CBFA2T3: variants seen among roughly 807,000 people sequenced by gnomAD.
The protein encoded by CBFA2T3 is transcriptional corepressor CBFA2T3.
CBFA2T3 carries 31 observed loss-of-function variants against 58.6 expected under a neutral mutation model. The observed-to-expected ratio is 0.53, with a 90% CI of 0.40 to 0.71. The LOEUF (loss-of-function observed/expected upper bound fraction) is 0.71, where lower values mean the gene tolerates loss of function less well. CBFA2T3 is among the 30% of genes least tolerant of loss of function. CBFA2T3 has a pLI of 0.00. For synonymous variants in CBFA2T3, 531 were observed against 421.9 expected (o/e 1.26, Z -3.17); for missense variants, 1,076 against 963.1 (o/e 1.12, Z -1.55).
chr16:88,900,235 G>C (rs1970045734), intron 2 of CBFA2T3, among the ~76,000 whole-genome samples: 2 of 152,248 alleles, frequency 1.3e-5, no homozygotes, highest in Non-Finnish European at 2.9e-5. Flanking sequence ...AGCTGTACCT[G>C]CCTCTGGGCG....
At position 88,914,263 on chromosome 16, in the gene CBFA2T3, G is replaced by A. The variant is rs56005432; in HGVS notation, c.152-12607C>T. ...GTGATGCTAGAGGTCAGGAATGGTG[G>A]CCACCCTGACAGCGCAGTGACCAGA... is the stretch of plus-strand genomic sequence containing the variant. On this transcript the variant is annotated intron_variant, in intron 1 of 11. Coordinates refer to ENST00000268679, the MANE Select transcript of CBFA2T3 (RefSeq NM_005187.6). Among the ~76,000 whole-genome samples the A allele has an allele frequency of 5.2e-3, 786 of 152,338 alleles. 9 individuals are homozygous for A. The highest frequency in any genetic ancestry group is 9.3e-3 in the Non-Finnish European group (630 of 68,034).
chr16:88,879,657 C>T (rs1197850881), intron 10 of CBFA2T3, 197 bp from the exon 11 acceptor site: 4 of 561,122 alleles, frequency 7.1e-6, no homozygotes, highest in South Asian at 2.4e-5. Context: ...CACAGACACA[C>T]GTTGATGGCC....
chr16:88,943,954 G>C (rs185232843), intron 1 of CBFA2T3, among the ~76,000 whole-genome samples: 42 of 152,310 alleles, frequency 2.8e-4, no homozygotes, highest in South Asian at 1.7e-3. Context: ...TCGGGAGGGG[G>C]CAGAGCCGTG....
In CBFA2T3 at chr16:88,876,587, TAGAG is replaced by T. The variant is rs10653475; in HGVS notation, c.*385_*388del. 1.3e-4 allele frequency: 35 copies of T among 261,214 alleles called. No homozygotes were observed. Among genetic ancestry groups the T allele is most frequent in the Non-Finnish European group, 2.0e-4 (27 of 138,020 alleles). 16.2% of individuals were successfully genotyped at this position (261,214 alleles called of 1,614,324 possible). On this transcript the variant is annotated 3_prime_UTR_variant, in exon 12 of 12. Coordinates refer to ENST00000268679, the MANE Select transcript of CBFA2T3 (RefSeq NM_005187.6). ...TTGAAGAGAAAGTGTGTGATAGTCATAGAGAGAGAGAGGATAGAGAAGACAGAGG... is the reference window on the plus strand; with the variant it reads ...TTGAAGAGAAAGTGTGTGATAGTCATAGAGAGAGGATAGAGAAGACAGAGG...
At chr16:88,926,122 C>T (rs896410025) in intron 1 of CBFA2T3, among the ~76,000 whole-genome samples, 1 of 152,204 alleles carries the variant, frequency 6.6e-6, no homozygotes, top group Non-Finnish European at 1.5e-5. Context: ...GGGGGTTAAT[C>T]CCACTGTGAT....
chr16:88,935,911 G>A (rs764113218), intron 1 of CBFA2T3, among the ~76,000 whole-genome samples: 1 of 152,200 alleles, frequency 6.6e-6, no homozygotes, highest in African/African-American at 2.4e-5. Flanking sequence ...AATATGTGGT[G>A]TAGGTCACGC....
At chr16:88,889,876 C>T (rs1211153505) in intron 5 of CBFA2T3, among the ~76,000 whole-genome samples, 3 of 136,908 alleles carry the variant, frequency 2.2e-5, no homozygotes, top group Admixed American at 7.2e-5. Context: ...AATCCCTGGA[C>T]GACGCCCCGC....
At chr16:88,921,939 C>T (rs893673282) in intron 1 of CBFA2T3, among the ~76,000 whole-genome samples, 1 of 152,252 alleles carries the variant, frequency 6.6e-6, no homozygotes, top group African/African-American at 2.4e-5. Flanking sequence ...CTGCGCGGCG[C>T]ATTTTGACTC....
intron 7 of CBFA2T3, among the ~76,000 whole-genome samples, 155 bp from the exon 8 acceptor site, chr16:88,882,916 C>T (rs942723171): frequency 8.5e-5 from 13 of 152,218 alleles, no homozygotes; most frequent in African/African-American, 1.4e-4. Flanking sequence ...ACTTGGTGAC[C>T]GTGGAGGATG....
chr16:88,901,226 C>G (rs1970085777), intron 2 of CBFA2T3, among the ~76,000 whole-genome samples: 1 of 152,244 alleles, frequency 6.6e-6, no homozygotes, highest in South Asian at 2.1e-4. Context: ...CCTGTGTGGA[C>G]TCACCTGGCC....
chr16:88,917,883 C>T (rs549811916), intron 1 of CBFA2T3, among the ~76,000 whole-genome samples: 4 of 151,072 alleles, frequency 2.6e-5, no homozygotes, highest in South Asian at 2.1e-4. Flanking sequence ...TGGGTGCGGA[C>T]GAGAGTGTGG....
chr16:88,885,732 G>A lies in CBFA2T3; in HGVS notation c.893+229C>T, dbSNP rs1214086756. 1.1e-5 allele frequency: 6 copies of A among 550,370 alleles called. No homozygotes were observed. Among genetic ancestry groups the A allele is most frequent in the Admixed American group, 6.6e-5 (2 of 30,220 alleles). The allele number at this position is 550,370 out of a possible 1,614,324, so 34.1% of individuals were successfully genotyped here. A position where few individuals can be genotyped will look rare whatever the true frequency, so the allele number is the denominator to read the frequency against. ...CCGTCCTCCCACCAGCCTCCTCCCT[G>A]TCCTCCTAGGCTCCCCGGAGCATCT... is the stretch of plus-strand genomic sequence containing the variant. On this transcript the variant is annotated intron_variant, in intron 6 of 11. Coordinates refer to ENST00000268679, the MANE Select transcript of CBFA2T3 (RefSeq NM_005187.6). The surrounding 1 kb of genome is among the most constrained non-coding windows in gnomAD (Gnocchi z 5.3).
rs1307632241 is a variant in CBFA2T3 at position 88,892,251 on chromosome 16, C to T, written c.614G>A (p.Gly205Asp). 22 of 1,608,652 alleles carry T rather than the reference C, an allele frequency of 1.4e-5. No individual in the cohort carries two copies. Among genetic ancestry groups the T allele is most frequent in the Non-Finnish European group, 1.8e-5 (21 of 1,178,934 alleles). The change falls in exon 4 of 12, where the codon GGC (glycine) becomes GAC (aspartate). Residue 205 changes from glycine (G) to aspartate (D), a missense_variant. Coordinates refer to ENST00000268679, the MANE Select transcript of CBFA2T3 (RefSeq NM_005187.6). ...IGERVRTLVL[G>D]LVNSTLTIEE... is the part of the protein sequence containing the mutation. The stretch of plus-strand genomic sequence containing the variant: ...TGTCCCTGCCCAACTCACCACCAGG[C>T]CCAGCACCAGTGTGCGCACGCGCTC...
chr16:88,976,945 C>T lies in CBFA2T3; in HGVS notation c.-138G>A, dbSNP rs1972879417. 6 of 1,109,412 alleles carry T rather than the reference C, an allele frequency of 5.4e-6. No individual in the cohort carries two copies. In the African/African-American group the frequency reaches 6.3e-5, roughly 12 times the overall value. 68.7% of individuals were successfully genotyped at this position (1,109,412 alleles called of 1,614,324 possible). On this transcript the variant is annotated 5_prime_UTR_variant, in exon 1 of 12. Coordinates refer to ENST00000268679, the MANE Select transcript of CBFA2T3 (RefSeq NM_005187.6). Reference sequence around the variant, plus strand: ...GGCGTCCTGGAGTTGGGCCTCTGTCCCTGGAAAGCCGAGGCCCTCCCGGCC... The same window carrying T: ...GGCGTCCTGGAGTTGGGCCTCTGTCTCTGGAAAGCCGAGGCCCTCCCGGCC...
In CBFA2T3 at chr16:88,958,147, C is replaced by T. The variant is rs560768285; in HGVS notation, c.151+18510G>A. Among the ~76,000 whole-genome samples the T allele has an allele frequency of 3.4e-4, 52 of 152,326 alleles. No individual in the cohort carries two copies. Among genetic ancestry groups the T allele is most frequent in the Non-Finnish European group, 6.9e-4 (47 of 68,034 alleles). The stretch of plus-strand genomic sequence containing the variant: ...GATGGGTGTCAAGGCCGTGCACACC[C>T]ACGAGGCCGTAGGAAGCCTGGTCAG... On this transcript the variant is annotated intron_variant, in intron 1 of 11. Coordinates refer to ENST00000268679, the MANE Select transcript of CBFA2T3 (RefSeq NM_005187.6). This position sits in a 1 kb window ranked among gnomAD's most constrained non-coding sequence, Gnocchi z 4.0.
chr16:88,945,603 C>A (rs1202409378), intron 1 of CBFA2T3, among the ~76,000 whole-genome samples: 4 of 152,186 alleles, frequency 2.6e-5, no homozygotes, highest in Non-Finnish European at 5.9e-5. Flanking sequence ...GAGAGTGGGT[C>A]AGCACAGCCA....
At chr16:88,905,919 G>C (rs921943051) in intron 1 of CBFA2T3, among the ~76,000 whole-genome samples, 1 of 149,302 alleles carries the variant, frequency 6.7e-6, no homozygotes, top group African/African-American at 2.6e-5. Flanking sequence ...CCTTGGCGCT[G>C]GCTGGGCAGG....
Position 88,976,943 on chromosome 16 carries a change from T to A in CBFA2T3, c.-136A>T. The A allele has an allele frequency of 8.8e-7, 1 of 1,138,032 alleles. No homozygotes were observed. The highest frequency in any genetic ancestry group is 2.6e-5 in the East Asian group (1 of 37,962). 70.5% of individuals were successfully genotyped at this position (1,138,032 alleles called of 1,614,324 possible). ...GGGGCGTCCTGGAGTTGGGCCTCTG[T>A]CCCTGGAAAGCCGAGGCCCTCCCGG... On this transcript the variant is annotated 5_prime_UTR_variant, in exon 1 of 12. Coordinates refer to ENST00000268679, the MANE Select transcript of CBFA2T3 (RefSeq NM_005187.6).
Position 88,881,280 on chromosome 16 carries a change from CCCACACG to C in CBFA2T3, c.1402+4_1402+10del. ...CCGTGTCTGCTCCCTCCCCCCACAC[CCCACACG>C]CACCTAGCTGAGGCCCTTCGGGACC... On this transcript the variant is annotated splice_donor_5th_base_variant and intron_variant, in intron 9 of 11. Coordinates refer to ENST00000268679, the MANE Select transcript of CBFA2T3 (RefSeq NM_005187.6). 1.9e-6 allele frequency: 3 copies of C among 1,594,208 alleles called. No homozygotes were observed. Among genetic ancestry groups the C allele is most frequent in the Non-Finnish European group, 2.6e-6 (3 of 1,171,948 alleles).
Sources: allele counts gnomAD v4.1 joint callset (sites outside exome capture counted in the v4.1 genomes callset), GRCh38; gene constraint gnomAD v4.1.1; non-coding constraint Gnocchi (gnomAD v3.1); transcripts MANE v1.5; gene names NCBI Gene and HGNC (gene_info 2026-07-23, HGNC 2026-07-21).